The following TTC3 variants were observed in gnomAD, a reference collection of about 807,000 sequenced individuals.
TTC3 encodes tetratricopeptide repeat domain 3.
In TTC3, 180 loss-of-function variants were observed where a neutral mutation model predicts 249.6. The observed-to-expected ratio is 0.72, with a 90% CI of 0.64 to 0.82. The LOEUF (loss-of-function observed/expected upper bound fraction) is 0.82, where lower values mean the gene tolerates loss of function less well. Ranked by LOEUF, TTC3 falls within the 40% of genes least tolerant of loss-of-function variation. The probability of loss-of-function intolerance (pLI) is 0.00; values close to 1 mark genes in which losing one functional copy is unlikely to be tolerated. For missense variants in TTC3, 2,061 were observed against 2,398.4 expected, an observed-to-expected ratio of 0.86 and a Z score of 2.94; for synonymous variants, 717 against 805.0, an observed-to-expected ratio of 0.89 and a Z score of 1.85.
intron 27 of TTC3, among the ~76,000 whole-genome samples, chr21:37,155,998 G>A (rs1303361930): frequency 6.6e-6 from 1 of 151,374 alleles, no homozygotes; most frequent in Admixed American, 6.6e-5. Flanking sequence ...TATACTAATT[G>A]GAATGAAAGT....
chr21:37,195,845 T>C, exon 42 of TTC3: 1 of 1,614,230 alleles, frequency 6.2e-7, no homozygotes, highest in Non-Finnish European at 8.5e-7. Context: ...GGCCACCCCC[T>C]GGTCAGCCTG....
chr21:37,183,026 G>A (rs2082903372), intron 36 of TTC3, 113 bp downstream of exon 36: 1 of 943,676 alleles, frequency 1.1e-6, no homozygotes, highest in Non-Finnish European at 1.5e-6. Context: ...AAGTAAAAAT[G>A]AATACTGTTT....
At chr21:37,158,197 G>C (rs2080302341) in intron 28 of TTC3, 1 of 985,428 alleles carries the variant, frequency 1.0e-6, no homozygotes, top group South Asian at 4.7e-5. Flanking sequence ...TCAGTTTGCT[G>C]CTGCTGGTAA....
At chr21:37,093,379 C>CAAAAAAA (rs766230187) in intron 7 of TTC3, 1 of 59,128 alleles carries the variant, frequency 1.7e-5, no homozygotes, top group Non-Finnish European at 3.5e-5. Context: ...AACTCCATCT[C>CAAAAAAA]AAAAAAAAAA....
intron 10 of TTC3, among the ~76,000 whole-genome samples, chr21:37,104,619 GC>G (rs2074893249): frequency 1.4e-5 from 2 of 145,812 alleles, no homozygotes; most frequent in Non-Finnish European, 3.0e-5. Flanking sequence ...AGAAAGAAGT[GC>G]CTTTGAAGCA....
At chr21:37,080,447 T>C (rs529692467) in intron 1 of TTC3, among the ~76,000 whole-genome samples, 114 of 151,820 alleles carry the variant, frequency 7.5e-4, no homozygotes, top group Non-Finnish European at 4.4e-5. Context: ...TTGTGAAGAG[T>C]ATATATTCTG....
intron 12 of TTC3, among the ~76,000 whole-genome samples, chr21:37,122,421 T>TATATATATATATATTATATATATA (rs1407068030): frequency 5.5e-5 from 2 of 36,562 alleles, no homozygotes; most frequent in Non-Finnish European, 1.3e-4. Context: ...ATATATATAA[T>TATATATATATATATTATATATATA]ATATATATAT....
intron 28 of TTC3, chr21:37,158,334 T>C (rs2080322685): frequency 2.3e-6 from 1 of 441,254 alleles, no homozygotes; most frequent in Non-Finnish European, 3.0e-6. Context: ...TCTCTACATA[T>C]AATACACAGC....
intron 19 of TTC3, among the ~76,000 whole-genome samples, chr21:37,139,244 T>C (rs2078218042): frequency 6.6e-6 from 1 of 152,136 alleles, no homozygotes; most frequent in African/African-American, 2.4e-5. Context: ...TAGTATCTCT[T>C]ATTTGTACGT....
intron 11 of TTC3, among the ~76,000 whole-genome samples, chr21:37,118,630 T>C (rs145292812): frequency 6.6e-6 from 1 of 152,324 alleles, no homozygotes; most frequent in East Asian, 1.9e-4. Context: ...TTGGCTCATG[T>C]AACTGAGAAG....
intron 23 of TTC3, among the ~76,000 whole-genome samples, chr21:37,149,301 T>C (rs749757221): frequency 1.3e-5 from 2 of 152,240 alleles, no homozygotes; most frequent in Non-Finnish European, 2.9e-5. Flanking sequence ...ACTGTTCTTA[T>C]TGGGGAAAGA....
chr21:37,118,032 A>G (rs1242716075), intron 11 of TTC3, among the ~76,000 whole-genome samples: 1 of 151,886 alleles, frequency 6.6e-6, no homozygotes. Flanking sequence ...GATGTGTCGT[A>G]TGATTGCAGA....
chr21:37,150,855 A>C, exon 25 of TTC3: 1 of 1,611,218 alleles, frequency 6.2e-7, no homozygotes, highest in Non-Finnish European at 8.5e-7. Context: ...AGGTTCCTCC[A>C]AGACCTATTC....
intron 20 of TTC3, among the ~76,000 whole-genome samples, chr21:37,143,157 A>G (rs569667415): frequency 3.5e-4 from 53 of 152,362 alleles, no homozygotes; most frequent in African/African-American, 1.2e-3. Flanking sequence ...AAGAAAACCT[A>G]GGCATTACCA....
chr21:37,121,633 C>T (rs1326793982), intron 11 of TTC3, among the ~76,000 whole-genome samples, 184 bp from the exon 12 acceptor site: 1 of 152,126 alleles, frequency 6.6e-6, no homozygotes, highest in Non-Finnish European at 1.5e-5. Flanking sequence ...TAACTTTTCA[C>T]TTAGCTCATT....
chr21:37,142,236 G>A (rs1049161401), intron 20 of TTC3, among the ~76,000 whole-genome samples: 3 of 152,176 alleles, frequency 2.0e-5, no homozygotes, highest in Admixed American at 6.5e-5. Flanking sequence ...ACATAGTGTC[G>A]GAAGTTCTGG....
chr21:37,186,379 G>A (rs953953894), intron 37 of TTC3, among the ~76,000 whole-genome samples: 3 of 151,998 alleles, frequency 2.0e-5, no homozygotes, highest in African/African-American at 7.3e-5. Flanking sequence ...TGTAATATGC[G>A]TCAAAACAGA....
intron 9 of TTC3, among the ~76,000 whole-genome samples, chr21:37,096,093 C>A (rs2073914992): frequency 6.6e-6 from 1 of 152,204 alleles, no homozygotes. Flanking sequence ...CTGCCCTATT[C>A]TTTTGAGGAA....
At chr21:37,113,599 G>A (rs2075864992) in intron 11 of TTC3, among the ~76,000 whole-genome samples, 1 of 152,116 alleles carries the variant, frequency 6.6e-6, no homozygotes, top group Non-Finnish European at 1.5e-5. Context: ...TTGTGAAAAT[G>A]GCCATATTGC....
Sources: gnomAD v4.1 joint callset for allele counts (sites outside exome capture counted in the v4.1 genomes callset) on GRCh38, gnomAD v4.1.1 for gene constraint, MANE v1.5 for transcripts, NCBI Gene and HGNC (gene_info 2026-07-23, HGNC 2026-07-21) for gene names.